GAB2: variants seen among roughly 807,000 people sequenced by gnomAD.
GAB2 encodes GRB2-associated-binding protein 2.
Under a neutral mutation model 65.5 loss-of-function variants are expected in GAB2, and 26 were observed. The ratio of observed to expected loss-of-function variants is 0.40; its 90% confidence interval spans 0.29 to 0.55. The LOEUF (loss-of-function observed/expected upper bound fraction) is 0.55. Ranked by LOEUF, GAB2 falls within the 20% of genes least tolerant of loss-of-function variation. The pLI, the probability that GAB2 is intolerant of heterozygous loss-of-function variation, is 0.53. For synonymous variants in GAB2, 321 were observed against 329.6 expected, an observed-to-expected ratio of 0.97 and a Z score of 0.28; for missense variants, 884 against 875.8, an observed-to-expected ratio of 1.01 and a Z score of -0.12.
Position 78,410,063 on chromosome 11 carries a change from T to A in GAB2, c.75+7583A>T, listed in dbSNP as rs568451650. 7.9e-5 allele frequency among the ~76,000 whole-genome samples: 12 copies of A among 151,886 alleles called. No homozygotes were observed. In the South Asian group the frequency reaches 8.3e-4, roughly 11 times the overall value. ...AAAGTCTCAAGGAAAGTAAAAAAAA[T>A]ATATATATACTGAGCAAATAAAAAT... On this transcript the variant is annotated intron_variant, in intron 1 of 9. Coordinates refer to ENST00000361507, the MANE Select transcript of GAB2 (RefSeq NM_080491.3).
intron 2 of GAB2, among the ~76,000 whole-genome samples, chr11:78,267,258 G>T (rs1402572697): frequency 6.6e-6 from 1 of 152,174 alleles, no homozygotes; most frequent in Non-Finnish European, 1.5e-5. Context: ...TACAGCACTG[G>T]CTTTATGCTG....
intron 1 of GAB2, among the ~76,000 whole-genome samples, chr11:78,345,616 T>G (rs1856167901): frequency 6.6e-6 from 1 of 152,178 alleles, no homozygotes; most frequent in Admixed American, 6.5e-5. Flanking sequence ...CTGTGCAGAA[T>G]AGTCAAGGGA....
chr11:78,408,201 C>A (rs1461945375), intron 1 of GAB2, among the ~76,000 whole-genome samples: 2 of 151,622 alleles, frequency 1.3e-5, no homozygotes, highest in Non-Finnish European at 2.9e-5. Flanking sequence ...ATAGCACTGT[C>A]TGATATAAAA....
At chr11:78,220,482 A>G in intron 8 of GAB2, 38 bp from the exon 9 acceptor site, 1 of 1,532,490 alleles carries the variant, frequency 6.5e-7, no homozygotes, top group South Asian at 1.2e-5. Flanking sequence ...TGACTGCAGA[A>G]AACAGACTAA....
intron 1 of GAB2, among the ~76,000 whole-genome samples, chr11:78,412,006 G>A (rs1456881809): frequency 6.6e-5 from 10 of 151,198 alleles, no homozygotes; most frequent in African/African-American, 2.5e-4. Context: ...CTCCAGCCTG[G>A]GTGACAGAGT....
chr11:78,402,613 G>A (rs999086824), intron 1 of GAB2, among the ~76,000 whole-genome samples: 3 of 102,144 alleles, frequency 2.9e-5, no homozygotes, highest in South Asian at 3.5e-4. Context: ...GTACCACCAC[G>A]CCCAGCTAAT....
At chr11:78,380,774 C>T (rs1418998055) in intron 1 of GAB2, among the ~76,000 whole-genome samples, 1 of 148,560 alleles carries the variant, frequency 6.7e-6, no homozygotes, top group Non-Finnish European at 1.5e-5. Flanking sequence ...CCCCATTCCC[C>T]ACCCCCAAAC....
At chr11:78,264,040 T>A (rs1218686431) in intron 2 of GAB2, among the ~76,000 whole-genome samples, 1 of 152,124 alleles carries the variant, frequency 6.6e-6, no homozygotes, top group Non-Finnish European at 1.5e-5. Context: ...CTCTAAAAAG[T>A]CCAACATTGT....
intron 2 of GAB2, among the ~76,000 whole-genome samples, chr11:78,277,619 G>T (rs1198680313): frequency 1.3e-5 from 2 of 152,220 alleles, no homozygotes; most frequent in East Asian, 3.8e-4. Flanking sequence ...GCTGGTAAAA[G>T]AATGCCTCAA....
rs563389246 is a variant in GAB2, at chr11:78,337,595, TAA to T, written c.76-56696_76-56695del. ...ATGGTAGAGTATTAGGCAAAGAAAA[TAA>T]AAGTCTTCCCTCATAGAAGAAGAAA... is the stretch of plus-strand genomic sequence containing the variant. On this transcript the variant is annotated intron_variant, in intron 1 of 9. Coordinates refer to ENST00000361507, the MANE Select transcript of GAB2 (RefSeq NM_080491.3). Among the ~76,000 whole-genome samples the T allele has an allele frequency of 3.7e-4, 56 of 152,222 alleles. 1 individual carries two copies. Among genetic ancestry groups the T allele is most frequent in the African/African-American group, 1.3e-3 (53 of 41,540 alleles).
At chr11:78,276,934 C>T (rs1866189392) in intron 2 of GAB2, among the ~76,000 whole-genome samples, 1 of 152,216 alleles carries the variant, frequency 6.6e-6, no homozygotes, top group South Asian at 2.1e-4. Context: ...TCTCCTGCCT[C>T]AGCCTCCCGA....
rs149006637 is a variant in GAB2, at chr11:78,390,482, G to A, written c.75+27164C>T. Among the ~76,000 whole-genome samples the A allele has an allele frequency of 7.9e-3, 1,208 of 152,210 alleles. 17 individuals carry two copies. Among genetic ancestry groups the A allele is most frequent in the African/African-American group, 0.028 (1,143 of 41,522 alleles). The stretch of plus-strand genomic sequence containing the variant: ...CAGGTGCCTGTAATCCTAGCTACTC[G>A]GGAGGCTGATGCACAAGAATCACTT... On this transcript the variant is annotated intron_variant, in intron 1 of 9. Transcript: ENST00000361507.
intron 1 of GAB2, among the ~76,000 whole-genome samples, chr11:78,360,381 CCT>C (rs1372648775): frequency 1.5e-5 from 2 of 131,838 alleles, no homozygotes; most frequent in South Asian, 5.2e-4. Context: ...ATGACGAAGC[CCT>C]GTTTCTGTAT....
At chr11:78,326,179 C>T (rs1160556216) in intron 1 of GAB2, among the ~76,000 whole-genome samples, 2 of 152,174 alleles carry the variant, frequency 1.3e-5, no homozygotes, top group African/African-American at 4.8e-5. Context: ...TATTCTATAT[C>T]CATATCTAAA....
At position 78,219,206 on chromosome 11, in the gene GAB2, G is replaced by A; in HGVS notation, c.*66C>T. On this transcript the variant is annotated 3_prime_UTR_variant, in exon 10 of 10. Transcript: ENST00000361507. ...GGATGGGAGGAAGAACGGGAGAGGGGAGAGGGGAGATGGGAAGGGCCAGCT... is the reference window on the plus strand; with the variant it reads ...GGATGGGAGGAAGAACGGGAGAGGGAAGAGGGGAGATGGGAAGGGCCAGCT... 1 of 1,465,964 alleles carries A rather than the reference G, an allele frequency of 6.8e-7. No homozygotes were observed. The highest frequency in any genetic ancestry group is 9.5e-7 in the Non-Finnish European group (1 of 1,056,610). The allele number at this position is 1,465,964 out of a possible 1,614,324, so 90.8% of individuals were successfully genotyped here. A position where few individuals can be genotyped will look rare whatever the true frequency, so the allele number is the denominator to read the frequency against.
At chr11:78,361,180 G>C (rs1166140807) in intron 1 of GAB2, among the ~76,000 whole-genome samples, 1 of 152,120 alleles carries the variant, frequency 6.6e-6, no homozygotes, top group African/African-American at 2.4e-5. Context: ...AAACAAAGTT[G>C]AACCTGTACC....
rs199752973 is a variant in GAB2, at chr11:78,290,807, AT to A, written c.76-9907del. On this transcript the variant is annotated intron_variant, in intron 1 of 9. Transcript: ENST00000361507. Reference sequence around the variant, plus strand: ...AGCAGTCTACGGAAAACCAAATTTTATTTTTTTTAGAACGTAAGAACTTTCT... The same window carrying A: ...AGCAGTCTACGGAAAACCAAATTTTATTTTTTTAGAACGTAAGAACTTTCT... 4.5e-3 allele frequency among the ~76,000 whole-genome samples: 687 copies of A among 152,090 alleles called. 3 individuals carry two copies. The highest frequency in any genetic ancestry group is 0.016 in the African/African-American group (666 of 41,484).
At chr11:78,389,952 A>G (rs1208316367) in intron 1 of GAB2, among the ~76,000 whole-genome samples, 2 of 152,216 alleles carry the variant, frequency 1.3e-5, no homozygotes, top group African/African-American at 4.8e-5. Flanking sequence ...TGGATAAGAT[A>G]ATACTTTGTT....
chr11:78,347,437 C>T (rs1356465267), intron 1 of GAB2, among the ~76,000 whole-genome samples: 1 of 152,088 alleles, frequency 6.6e-6, no homozygotes, highest in Admixed American at 6.6e-5. Flanking sequence ...TGGAGTTGGG[C>T]AATCATGGAC....
Sources: allele counts gnomAD v4.1 joint callset (sites outside exome capture counted in the v4.1 genomes callset), GRCh38; gene constraint gnomAD v4.1.1; transcripts MANE v1.5; gene names NCBI Gene and HGNC (gene_info 2026-07-23, HGNC 2026-07-21).